ZBTB20: variants seen among roughly 807,000 people sequenced by gnomAD.
The protein encoded by ZBTB20 is zinc finger and BTB domain containing 20.
In ZBTB20, 9 loss-of-function variants were observed where a neutral mutation model predicts 56.9. The observed-to-expected ratio is 0.16, with a 90% CI of 0.10 to 0.28. The LOEUF is 0.28. Ranked by LOEUF, ZBTB20 falls within the 10% of genes least tolerant of loss-of-function variation. The pLI, the probability that ZBTB20 is intolerant of heterozygous loss-of-function variation, is 1.00. For missense variants in ZBTB20, 655 were observed against 1,003.0 expected (o/e 0.65, Z 4.69); for synonymous variants, 417 against 420.7 (o/e 0.99, Z 0.11).
intron 6 of ZBTB20, among the ~76,000 whole-genome samples, chr3:114,644,100 T>C (rs1417998180): frequency 6.6e-6 from 1 of 151,946 alleles, no homozygotes; most frequent in Non-Finnish European, 1.5e-5. Context: ...GCCATGATAG[T>C]AACAAAATGA....
chr3:114,755,528 T>C (rs2067942461), intron 5 of ZBTB20, among the ~76,000 whole-genome samples: 1 of 152,206 alleles, frequency 6.6e-6, no homozygotes, highest in South Asian at 2.1e-4. Flanking sequence ...TAAAAGTGAA[T>C]GCCTTCTAAT....
intron 6 of ZBTB20, among the ~76,000 whole-genome samples, chr3:114,542,021 C>T (rs2049170992): frequency 6.6e-6 from 1 of 152,048 alleles, no homozygotes; most frequent in South Asian, 2.1e-4. Context: ...TGGATGTCTA[C>T]AGGTATTTTG....
At chr3:115,087,433 T>C (rs904457528) in intron 1 of ZBTB20, among the ~76,000 whole-genome samples, 1 of 151,906 alleles carries the variant, frequency 6.6e-6, no homozygotes, top group African/African-American at 2.4e-5. Context: ...CTAATTCTAA[T>C]GGTTTTAAAA....
chr3:114,479,268 T>C (rs1485984622), intron 7 of ZBTB20, among the ~76,000 whole-genome samples: 1 of 152,184 alleles, frequency 6.6e-6, no homozygotes, highest in African/African-American at 2.4e-5. Flanking sequence ...TCTTGAAATA[T>C]CTAAGTCTGC....
intron 7 of ZBTB20, among the ~76,000 whole-genome samples, chr3:114,446,306 G>A (rs2108997472): frequency 6.6e-6 from 1 of 152,216 alleles, no homozygotes; most frequent in Non-Finnish European, 1.5e-5. Context: ...TTGGCTTTAA[G>A]TATATTGATC....
At chr3:114,583,093 G>A (rs1385487177) in intron 6 of ZBTB20, among the ~76,000 whole-genome samples, 1 of 152,126 alleles carries the variant, frequency 6.6e-6, no homozygotes, top group Non-Finnish European at 1.5e-5. Flanking sequence ...TTGGCTGGCG[G>A]GTTTCACCTC....
chr3:114,816,845 C>G (rs114092672), intron 4 of ZBTB20, among the ~76,000 whole-genome samples: 1 of 152,158 alleles, frequency 6.6e-6, no homozygotes, highest in Non-Finnish European at 1.5e-5. Flanking sequence ...GTAGCCTGCA[C>G]TATTCCTATT....
chr3:114,447,570 A>G (rs1343006667), intron 7 of ZBTB20, among the ~76,000 whole-genome samples: 2 of 152,190 alleles, frequency 1.3e-5, no homozygotes, highest in East Asian at 3.9e-4. Context: ...GCATTTCAGA[A>G]CAAATGCTTC....
At chr3:114,467,931 T>C (rs893381851) in intron 7 of ZBTB20, among the ~76,000 whole-genome samples, 1 of 152,242 alleles carries the variant, frequency 6.6e-6, no homozygotes, top group African/African-American at 2.4e-5. Flanking sequence ...GGCTTTTACC[T>C]GGGAGCACTC....
chr3:114,560,285 C>T (rs948210953), intron 6 of ZBTB20, among the ~76,000 whole-genome samples: 1 of 152,124 alleles, frequency 6.6e-6, no homozygotes, highest in Non-Finnish European at 1.5e-5. Context: ...GGCACATCTT[C>T]CCTGTAAGGT....
chr3:114,343,845 C>T (rs577289124), intron 11 of ZBTB20, among the ~76,000 whole-genome samples: 2 of 152,104 alleles, frequency 1.3e-5, no homozygotes, highest in Middle Eastern at 3.4e-3. Flanking sequence ...GTCAGGAGGC[C>T]GAGACCGGCC....
At chr3:114,873,281 A>G (rs2076073777) in intron 4 of ZBTB20, 1 of 152,138 alleles carries the variant, frequency 6.6e-6, no homozygotes, top group South Asian at 2.1e-4. Flanking sequence ...TGAGCACTTA[A>G]AAAAAATCAG....
At chr3:114,699,714 T>G (rs1418375017) in intron 5 of ZBTB20, among the ~76,000 whole-genome samples, 5 of 152,160 alleles carry the variant, frequency 3.3e-5, no homozygotes, top group Admixed American at 6.6e-5. Context: ...CTATTTAATG[T>G]AATCGGATTC....
chr3:114,621,712 T>C (rs2058332825), intron 6 of ZBTB20, among the ~76,000 whole-genome samples: 1 of 152,150 alleles, frequency 6.6e-6, no homozygotes, highest in South Asian at 2.1e-4. Context: ...TTTCACAACA[T>C]GCATCCTCAT....
chr3:114,987,341 T>A (rs2078591318), intron 2 of ZBTB20, among the ~76,000 whole-genome samples: 1 of 152,104 alleles, frequency 6.6e-6, no homozygotes, highest in Admixed American at 6.6e-5. Flanking sequence ...CCAGGTACAA[T>A]GAATGCAGAA....
chr3:114,498,103 A>G (rs548799469), intron 7 of ZBTB20, among the ~76,000 whole-genome samples: 1 of 152,326 alleles, frequency 6.6e-6, no homozygotes, highest in East Asian at 1.9e-4. Context: ...TATTGTCCTG[A>G]GAATAAATCT....
At chr3:115,028,689 TCTA>T (rs2080531644) in intron 2 of ZBTB20, among the ~76,000 whole-genome samples, 2 of 150,468 alleles carry the variant, frequency 1.3e-5, no homozygotes, top group African/African-American at 4.8e-5. Context: ...CATTAGAATA[TCTA>T]CTAATATATA....
chr3:114,418,570 A>G (rs2088816618), intron 7 of ZBTB20, among the ~76,000 whole-genome samples: 1 of 138,560 alleles, frequency 7.2e-6, no homozygotes, highest in South Asian at 2.3e-4. Context: ...AAAGACTAAT[A>G]GATCTTGAGT....
intron 4 of ZBTB20, among the ~76,000 whole-genome samples, chr3:114,860,825 T>C (rs1275759895): frequency 1.3e-5 from 2 of 152,236 alleles, no homozygotes; most frequent in African/African-American, 4.8e-5. Flanking sequence ...CCTGTGCTAC[T>C]TGACAGAAGG....
Sources: gnomAD v4.1 joint callset for allele counts (sites outside exome capture counted in the v4.1 genomes callset) on GRCh38, gnomAD v4.1.1 for gene constraint, MANE v1.5 for transcripts, NCBI Gene and HGNC (gene_info 2026-07-23, HGNC 2026-07-21) for gene names.